APTX: variants seen among roughly 807,000 people sequenced by gnomAD.
APTX encodes aprataxin, also known as forkhead-associated domain histidine triad-like protein.
In APTX, 33 loss-of-function variants were observed where a neutral mutation model predicts 42.3. The observed-to-expected ratio is 0.78, with a 90% CI of 0.59 to 1.04. The LOEUF (loss-of-function observed/expected upper bound fraction) is 1.04, where lower values mean the gene tolerates loss of function less well. Among genes scored for constraint, APTX ranks in the 50% least tolerant of loss-of-function variants. The pLI is 0.00. For missense variants in APTX, 421 were observed against 415.1 expected (o/e 1.01, Z -0.12); for synonymous variants, 130 against 146.7 (o/e 0.89, Z 0.82).
intron 1 of APTX, among the ~76,000 whole-genome samples, chr9:33,017,449 G>C (rs1427669116): frequency 6.6e-6 from 1 of 152,206 alleles, no homozygotes; most frequent in Non-Finnish European, 1.5e-5. Context: ...TCCTCACATG[G>C]CAGAAGGGAC....
chr9:32,978,214 G>A (rs1278294150), intron 6 of APTX, among the ~76,000 whole-genome samples: 2 of 152,200 alleles, frequency 1.3e-5, no homozygotes, highest in Non-Finnish European at 2.9e-5. Flanking sequence ...AATAGACTGA[G>A]TGGGGAAACT....
Position 32,992,076 on chromosome 9 carries a change from A to T in APTX, c.-4-2181T>A, listed in dbSNP as rs185245364. On this transcript the variant is annotated intron_variant, in intron 1 of 7. Coordinates refer to ENST00000379817, the MANE Select transcript of APTX (RefSeq NM_001195248.2). ...AAGAGAGAGAGGATGAGATCACCCA[A>T]TGAGGTGAAACAGGGAATTATGGGC... Among the ~76,000 whole-genome samples, 14 of 152,268 alleles carry T rather than the reference A, an allele frequency of 9.2e-5. No individual in the cohort carries two copies. In the South Asian group the frequency reaches 2.5e-3, roughly 27 times the overall value.
chr9:33,023,380 T>C (rs918973751), intron 1 of APTX, among the ~76,000 whole-genome samples: 3 of 152,066 alleles, frequency 2.0e-5, no homozygotes, highest in Non-Finnish European at 2.9e-5. Flanking sequence ...CGTGCCACCA[T>C]ACCTGGCTAA....
intron 1 of APTX, among the ~76,000 whole-genome samples, chr9:33,013,657 A>C (rs1331614767): frequency 6.6e-6 from 1 of 152,108 alleles, no homozygotes; most frequent in African/African-American, 2.4e-5. Context: ...ATACAAAAAA[A>C]TTAGCCGGGC....
At chr9:33,011,964 G>C (rs568779167) in intron 1 of APTX, among the ~76,000 whole-genome samples, 110 of 152,166 alleles carry the variant, frequency 7.2e-4, no homozygotes, top group African/African-American at 2.6e-3. Context: ...CCTGAGCATG[G>C]TTTGGTCCCT....
chr9:32,993,925 G>C (rs1834239401), intron 1 of APTX, among the ~76,000 whole-genome samples: 1 of 151,950 alleles, frequency 6.6e-6, no homozygotes, highest in Non-Finnish European at 1.5e-5. Context: ...CACCATGTTG[G>C]CCAGGCTGGT....
intron 1 of APTX, among the ~76,000 whole-genome samples, chr9:33,013,136 T>C (rs1415902766): frequency 6.6e-6 from 1 of 152,232 alleles, no homozygotes; most frequent in Non-Finnish European, 1.5e-5. Context: ...TAGGATAATT[T>C]CTATGACCAT....
At position 32,974,830 on chromosome 9, in the gene APTX, T is replaced by G. The variant is rs187948708; in HGVS notation, c.771-269A>C. Among the ~76,000 whole-genome samples, 9 of 152,260 alleles carry G rather than the reference T, an allele frequency of 5.9e-5. No homozygotes were observed. In the East Asian group the frequency reaches 1.7e-3, roughly 29 times the overall value. On this transcript the variant is annotated intron_variant, in intron 6 of 7. Transcript: ENST00000379817. ...AACAAAATGGGAAAAGCCTCTGCCC[T>G]TATAGAAATTGTACGCTAATGAGGA... is the stretch of plus-strand genomic sequence containing the variant.
At chr9:32,976,000 G>A (rs764200774) in intron 6 of APTX, among the ~76,000 whole-genome samples, 11 of 152,174 alleles carry the variant, frequency 7.2e-5, no homozygotes, top group Non-Finnish European at 1.2e-4. Flanking sequence ...CAAGCGTACC[G>A]TAAGAACCTA....
At chr9:32,976,043 AAAAAC>A (rs2118334020) in intron 6 of APTX, among the ~76,000 whole-genome samples, 1 of 152,340 alleles carries the variant, frequency 6.6e-6, no homozygotes, top group African/African-American at 2.4e-5. Context: ...TTCCTAACAG[AAAAAC>A]AAATTTTGTT....
chr9:32,995,341 G>A (rs1329050441), intron 1 of APTX, among the ~76,000 whole-genome samples: 5 of 152,286 alleles, frequency 3.3e-5, no homozygotes, highest in Non-Finnish European at 4.4e-5. Flanking sequence ...ATAAACAGGA[G>A]TTTGGAAAAA....
At chr9:33,012,409 T>C (rs914784230) in intron 1 of APTX, among the ~76,000 whole-genome samples, 2 of 152,220 alleles carry the variant, frequency 1.3e-5, no homozygotes, top group African/African-American at 2.4e-5. Flanking sequence ...TACCCTTCCA[T>C]AGTCCCCTTC....
chr9:32,987,621 T>C lies in APTX; in HGVS notation c.406A>G (p.Thr136Ala). The change falls in exon 4 of 8, where the codon ACA (threonine) becomes GCA (alanine). Residue 136 changes from threonine (T) to alanine (A), a missense_variant. By Grantham distance (58) the Thr-to-Ala change is moderately conservative. Coordinates refer to ENST00000379817, the MANE Select transcript of APTX (RefSeq NM_001195248.2). ...RDAAQEAEAG[T>A]GLEPGSNSGQ... is the part of the protein sequence containing the mutation. ...GAGTTGCTCCCAGGTTCCAGCCCTG[T>C]CCCAGCCTCAGCTTCCTGAGCAGCA... The C allele has an allele frequency of 6.2e-7, 1 of 1,614,200 alleles. No homozygotes were observed. Among genetic ancestry groups the C allele is most frequent in the Non-Finnish European group, 8.5e-7 (1 of 1,180,032 alleles).
At chr9:33,005,618 G>C (rs1837083523), upstream of APTX, among the ~76,000 whole-genome samples, 1 of 150,236 alleles carries the variant, frequency 6.7e-6, no homozygotes, top group Non-Finnish European at 1.5e-5. Context: ...TTTTTTAATA[G>C]AGACAGAGGT....
intron 1 of APTX, chr9:33,019,851 T>TC: frequency 1.5e-6 from 1 of 646,718 alleles, no homozygotes. Flanking sequence ...GTGAGATCCT[T>TC]CCCAACCACC....
intron 1 of APTX, among the ~76,000 whole-genome samples, chr9:33,017,936 C>CT (rs57517314): frequency 1.5e-5 from 2 of 129,618 alleles, no homozygotes; most frequent in Admixed American, 8.0e-5. Flanking sequence ...GCGCCCCCCC[C>CT]CCCCTCCCAT....
At position 33,006,999 on chromosome 9, in the gene APTX, CAAAAAAAAAAAAA is replaced by C. The variant is rs55924566; in HGVS notation, c.-4-17117_-4-17105del. 4.9e-4 allele frequency among the ~76,000 whole-genome samples: 24 copies of C among 49,462 alleles called. No individual in the cohort carries two copies. In the South Asian group the frequency reaches 8.0e-3, roughly 16 times the overall value. 32.4% of individuals were successfully genotyped at this position (49,462 alleles called of 152,430 possible). The stretch of plus-strand genomic sequence containing the variant: ...TGGGCGACAGAGCAAGACTCTGTCT[CAAAAAAAAAAAAA>C]AAAAAAAAAAAGAAAGAAAGAAAGA... On this transcript the variant is annotated intron_variant, in intron 1 of 6. Transcript: ENST00000436040.
At chr9:33,007,932 C>T (rs1468901894) in intron 1 of APTX, among the ~76,000 whole-genome samples, 2 of 152,032 alleles carry the variant, frequency 1.3e-5, no homozygotes, top group African/African-American at 4.8e-5. Context: ...CTTCCCATCC[C>T]TGTCTCACTT....
intron 1 of APTX, among the ~76,000 whole-genome samples, chr9:32,995,815 G>A (rs1386149521): frequency 6.6e-6 from 1 of 151,606 alleles, no homozygotes; most frequent in Non-Finnish European, 1.5e-5. Context: ...GTGAATCCGG[G>A]AGGCGGAGCT....
Sources: gnomAD v4.1 joint callset for allele counts (sites outside exome capture counted in the v4.1 genomes callset) on GRCh38, gnomAD v4.1.1 for gene constraint, MANE v1.5 for transcripts, NCBI Gene and HGNC (gene_info 2026-07-23, HGNC 2026-07-21) for gene names.